CLIC5: variants seen among roughly 807,000 people sequenced by gnomAD.
CLIC5 encodes the protein CLIC family member 5, also known as chloride intracellular channel protein 5.
A neutral mutation model predicts 24.7 loss-of-function variants in CLIC5; 20 were observed. That is an observed-to-expected ratio of 0.81 (90% CI 0.57 to 1.18). The LOEUF (loss-of-function observed/expected upper bound fraction) is 1.18. Ranked by LOEUF, CLIC5 falls within the 50% of genes most tolerant of loss-of-function variation. The pLI is 0.00. For missense variants in CLIC5, 341 were observed against 326.1 expected (o/e 1.05, Z -0.35); for synonymous variants, 159 against 135.6 (o/e 1.17, Z -1.20).
intron 5 of CLIC5, among the ~76,000 whole-genome samples, chr6:45,903,724 T>C (rs993738873): frequency 2.0e-5 from 3 of 152,220 alleles, no homozygotes; most frequent in Non-Finnish European, 4.4e-5. Flanking sequence ...ACATTTAAAG[T>C]TCAAGTATAA....
At chr6:45,954,535 C>T (rs183653639) in intron 2 of CLIC5, among the ~76,000 whole-genome samples, 7 of 152,294 alleles carry the variant, frequency 4.6e-5, no homozygotes, top group African/African-American at 1.7e-4. Context: ...GAGCCTCGAG[C>T]TGTTCCACAT....
At chr6:46,121,347 G>A in the CLIC5 span, among the ~76,000 whole-genome samples, 10 of 152,120 alleles carry the variant, frequency 6.6e-5, no homozygotes, top group Non-Finnish European at 1.2e-4. Context: ...CACAAGTGAA[G>A]GAGAAATAAA....
At chr6:45,978,570 G>T (rs895813007) in intron 1 of CLIC5, among the ~76,000 whole-genome samples, 4 of 152,194 alleles carry the variant, frequency 2.6e-5, no homozygotes, top group African/African-American at 4.8e-5. Context: ...TGGGGCCCAA[G>T]AATTTGCATG....
intron 1 of CLIC5, among the ~76,000 whole-genome samples, chr6:45,984,964 A>T (rs1235332307): frequency 6.6e-6 from 1 of 152,208 alleles, no homozygotes; most frequent in Non-Finnish European, 1.5e-5. Flanking sequence ...CACGGGGAAG[A>T]CACAGAACAT....
intron 1 of CLIC5, among the ~76,000 whole-genome samples, chr6:46,001,636 G>A (rs759039278): frequency 7.2e-5 from 11 of 152,174 alleles, no homozygotes; most frequent in Non-Finnish European, 1.5e-4. Flanking sequence ...GTAGGCTTCA[G>A]TAAACAGCTG....
intron 5 of CLIC5, among the ~76,000 whole-genome samples, chr6:45,909,528 T>A (rs1021884821): frequency 6.6e-6 from 1 of 152,180 alleles, no homozygotes; most frequent in Non-Finnish European, 1.5e-5. Context: ...TTCTCCTTTG[T>A]TTACAAAGCT....
chr6:46,112,941 C>A, the CLIC5 span, among the ~76,000 whole-genome samples: 12 of 152,136 alleles, frequency 7.9e-5, no homozygotes, highest in Non-Finnish European at 1.5e-4. Context: ...CCTGTAGTCC[C>A]AGCTACTCAG....
chr6:45,912,863 T>C lies in CLIC5; in HGVS notation c.588+1365A>G, dbSNP rs912579795. On this transcript the variant is annotated intron_variant, in intron 5 of 5. Coordinates refer to ENST00000339561, the MANE Select transcript of CLIC5 (RefSeq NM_016929.5). ...TGGCCCCAAATCCAAAATGTTCTTT[T>C]CTAAATAGGTTGTATTTGCCCACTC... is the stretch of plus-strand genomic sequence containing the variant. The C allele has an allele frequency of 8.7e-6, 6 of 690,346 alleles. No homozygotes were observed. The Admixed American group carries it at 1.1e-4, about 12-fold the overall frequency. The allele number at this position is 690,346 out of a possible 1,614,324, so 42.8% of individuals were successfully genotyped here.
chr6:46,085,523 G>A, the CLIC5 span, among the ~76,000 whole-genome samples: 2 of 152,178 alleles, frequency 1.3e-5, no homozygotes, highest in Admixed American at 1.3e-4. Flanking sequence ...GTCTGTTGGA[G>A]TTTGCTAGAG....
At chr6:45,913,529 T>C (rs1762897178) in intron 5 of CLIC5, among the ~76,000 whole-genome samples, 1 of 152,210 alleles carries the variant, frequency 6.6e-6, no homozygotes, top group Non-Finnish European at 1.5e-5. Flanking sequence ...TCTCAGAGGC[T>C]GCAGTCACAG....
chr6:45,967,114 G>T (rs541230043), intron 1 of CLIC5, among the ~76,000 whole-genome samples: 1 of 152,300 alleles, frequency 6.6e-6, no homozygotes, highest in East Asian at 1.9e-4. Flanking sequence ...AAAATGCAGG[G>T]TCCTCATAAG....
At chr6:45,911,986 T>C (rs1302446184) in intron 5 of CLIC5, 4 of 985,394 alleles carry the variant, frequency 4.1e-6, no homozygotes, top group Non-Finnish European at 4.8e-6. Flanking sequence ...GGGATGGAGA[T>C]AAACCTGAAA....
intron 4 of CLIC5, among the ~76,000 whole-genome samples, chr6:45,930,667 CAA>C: frequency 6.6e-6 from 1 of 152,178 alleles, no homozygotes; most frequent in East Asian, 1.9e-4. Flanking sequence ...CTGCCCAGTC[CAA>C]AGGGTGGACA....
At chr6:46,008,627 A>G (rs1307564115) in intron 1 of CLIC5, among the ~76,000 whole-genome samples, 1 of 151,020 alleles carries the variant, frequency 6.6e-6, no homozygotes, top group African/African-American at 2.5e-5. Context: ...TTGATTGATT[A>G]TATTTTATCC....
intron 1 of CLIC5, among the ~76,000 whole-genome samples, chr6:45,963,775 A>T (rs1192547631): frequency 6.6e-6 from 1 of 152,130 alleles, no homozygotes; most frequent in African/African-American, 2.4e-5. Flanking sequence ...CTGCAATGTC[A>T]TATGTTATTC....
At chr6:45,984,852 C>T (rs35293483) in intron 1 of CLIC5, among the ~76,000 whole-genome samples, 39,996 of 152,116 alleles carry the variant, frequency 0.26, 6,536 homozygotes, top group Middle Eastern at 0.41. Context: ...AGAAATCCTT[C>T]TTTCCCTCCA....
intron 4 of CLIC5, among the ~76,000 whole-genome samples, chr6:45,935,292 C>A (rs79174144): frequency 0.02 from 2,998 of 152,196 alleles, 114 homozygotes; most frequent in African/African-American, 0.069. Context: ...CAGTGGCAGG[C>A]GGGGAGGGGT....
chr6:46,077,934 CA>C (rs1290234121), intron 1 of CLIC5, among the ~76,000 whole-genome samples: 1 of 152,098 alleles, frequency 6.6e-6, no homozygotes, highest in Non-Finnish European at 1.5e-5. Context: ...GTGAGATAAA[CA>C]CTTAGCCAAA....
chr6:45,928,765 T>C (rs1763602495), intron 4 of CLIC5, among the ~76,000 whole-genome samples: 1 of 115,166 alleles, frequency 8.7e-6, no homozygotes, highest in Non-Finnish European at 1.8e-5. Flanking sequence ...ACGAAGTGCA[T>C]AAGTGTGTGT....
Sources: gnomAD v4.1 joint callset for allele counts (sites outside exome capture counted in the v4.1 genomes callset) on GRCh38, gnomAD v4.1.1 for gene constraint, MANE v1.5 for transcripts, NCBI Gene and HGNC (gene_info 2026-07-23, HGNC 2026-07-21) for gene names.